The following CPNE8 variants were observed in gnomAD, a reference collection of about 807,000 sequenced individuals.
CPNE8 encodes the protein copine-8.
A neutral mutation model predicts 81.5 loss-of-function variants in CPNE8; 45 were observed. The observed-to-expected ratio is 0.55, with a 90% CI of 0.44 to 0.71. CPNE8 has a LOEUF of 0.71. CPNE8 is among the 30% of genes least tolerant of loss of function. The probability of loss-of-function intolerance (pLI) is 0.00; values close to 1 mark genes in which losing one functional copy is unlikely to be tolerated. For missense variants in CPNE8, 594 were observed against 672.1 expected (o/e 0.88, Z 1.28); for synonymous variants, 252 against 226.3 (o/e 1.11, Z -1.02).
chr12:38,841,536 G>T (rs1264640134), intron 4 of CPNE8, among the ~76,000 whole-genome samples: 2 of 152,136 alleles, frequency 1.3e-5, no homozygotes, highest in Admixed American at 6.6e-5. Flanking sequence ...CCAGTAAGTA[G>T]TTATTTGGGG....
intron 15 of CPNE8, among the ~76,000 whole-genome samples, chr12:38,686,209 G>A (rs1027828959): frequency 1.3e-5 from 2 of 152,040 alleles, no homozygotes; most frequent in African/African-American, 4.8e-5. Flanking sequence ...ACTCCAAGTA[G>A]AGAAGGAGTC....
At position 38,816,304 on chromosome 12, in the gene CPNE8, C is replaced by G. The variant is rs181008904; in HGVS notation, c.407+13075G>C. Among the ~76,000 whole-genome samples the G allele has an allele frequency of 5.8e-4, 89 of 152,250 alleles. No individual in the cohort carries two copies. In the South Asian group the frequency reaches 8.5e-3, roughly 15 times the overall value. On this transcript the variant is annotated intron_variant, in intron 6 of 19. Transcript: ENST00000331366. ...ACATTTATTGAACTCTTACTATTTACAAGGCACAACAGGTCTCTACAATAC... is the reference window on the plus strand; with the variant it reads ...ACATTTATTGAACTCTTACTATTTAGAAGGCACAACAGGTCTCTACAATAC...
intron 11 of CPNE8, 115 bp downstream of exon 11, chr12:38,730,168 A>C: frequency 1.5e-6 from 1 of 684,878 alleles, no homozygotes; most frequent in Non-Finnish European, 2.6e-6. Context: ...AAAGATTCTT[A>C]CATACACTGA....
At chr12:38,861,622 T>C (rs1446649529) in intron 3 of CPNE8, among the ~76,000 whole-genome samples, 1 of 152,102 alleles carries the variant, frequency 6.6e-6, no homozygotes, top group African/African-American at 2.4e-5. Context: ...AATTATATTT[T>C]CATCAAACTT....
chr12:38,861,309 T>C (rs1281595230), intron 3 of CPNE8, among the ~76,000 whole-genome samples: 1 of 152,158 alleles, frequency 6.6e-6, no homozygotes, highest in Non-Finnish European at 1.5e-5. Flanking sequence ...TCACTGCCAA[T>C]AGTTAATAAT....
chr12:38,838,187 A>C (rs575306537), intron 5 of CPNE8, among the ~76,000 whole-genome samples: 61 of 152,298 alleles, frequency 4.0e-4, no homozygotes, highest in African/African-American at 1.5e-3. Context: ...ACTAAGAAAC[A>C]CAGAAACTAT....
At chr12:38,904,835 G>A (rs558944658) in intron 1 of CPNE8, among the ~76,000 whole-genome samples, 6 of 152,214 alleles carry the variant, frequency 3.9e-5, no homozygotes, top group African/African-American at 1.4e-4. Context: ...CAAAACAAAA[G>A]TCGTGACTTC....
intron 10 of CPNE8, among the ~76,000 whole-genome samples, chr12:38,737,824 T>C (rs1244830974): frequency 4.2e-5 from 1 of 23,638 alleles, no homozygotes; most frequent in African/African-American, 2.4e-4. Context: ...ACATACTCAT[T>C]CTCTCTCTCT....
At chr12:38,775,144 A>T (rs1490065487) in intron 7 of CPNE8, among the ~76,000 whole-genome samples, 2 of 152,082 alleles carry the variant, frequency 1.3e-5, no homozygotes, top group East Asian at 3.9e-4. Context: ...CATATATTTG[A>T]GACAAGGTCT....
In CPNE8 at chr12:38,652,797, G is replaced by A. The variant is rs929797276; in HGVS notation, c.*1085C>T. The A allele has an allele frequency of 6.6e-6, 1 of 152,620 alleles. No homozygotes were observed. The highest frequency in any genetic ancestry group is 2.4e-5 in the African/African-American group (1 of 41,446). 9.5% of individuals were successfully genotyped at this position (152,620 alleles called of 1,614,324 possible). A position where few individuals can be genotyped will look rare whatever the true frequency, so the allele number is the denominator to read the frequency against. On this transcript the variant is annotated 3_prime_UTR_variant, in exon 20 of 20. Transcript: ENST00000331366. ...CAATTATTCGTGGACAGGCAGGTCA[G>A]TATATAGGAGTAGGTTATTTCACAA... is the stretch of plus-strand genomic sequence containing the variant.
chr12:38,884,065 T>C (rs1400285), intron 1 of CPNE8, among the ~76,000 whole-genome samples: 60,313 of 152,022 alleles, frequency 0.4, 14,237 homozygotes, highest in Non-Finnish European at 0.53. Context: ...AATTTGCCCT[T>C]TTAAAGTGTA....
intron 6 of CPNE8, among the ~76,000 whole-genome samples, chr12:38,808,244 T>C (rs71463384): frequency 6.6e-6 from 1 of 152,120 alleles, no homozygotes; most frequent in Admixed American, 6.6e-5. Flanking sequence ...CCAGCCATCC[T>C]ATTACTGGTT....
At chr12:38,676,360 T>C in intron 17 of CPNE8, 1 of 950,698 alleles carries the variant, frequency 1.1e-6, no homozygotes, top group African/African-American at 1.8e-5. Flanking sequence ...GTAAGGAGCA[T>C]CTACTTCCAC....
intron 6 of CPNE8, among the ~76,000 whole-genome samples, chr12:38,827,020 A>T: frequency 6.6e-6 from 1 of 150,702 alleles, no homozygotes; most frequent in African/African-American, 2.4e-5. Context: ...ATACAAAAAA[A>T]AAAAAAAAAA....
chr12:38,705,674 G>A (rs193116739), intron 13 of CPNE8, among the ~76,000 whole-genome samples: 3 of 152,190 alleles, frequency 2.0e-5, no homozygotes, highest in East Asian at 1.9e-4. Context: ...ACATTGCTTC[G>A]TCATGCTGTG....
At chr12:38,798,427 G>C (rs369901079) in intron 6 of CPNE8, among the ~76,000 whole-genome samples, 2 of 152,100 alleles carry the variant, frequency 1.3e-5, no homozygotes, top group East Asian at 3.9e-4. Context: ...TTTCAACCCA[G>C]AATTTCATAT....
intron 3 of CPNE8, 105 bp downstream of exon 3, chr12:38,872,899 G>A (rs536153253): frequency 3.9e-5 from 27 of 698,156 alleles, no homozygotes; most frequent in Non-Finnish European, 5.2e-5. Flanking sequence ...CAATCTTTGG[G>A]TTCAAAAGGA....
At chr12:38,714,765 G>C (rs528712923) in intron 13 of CPNE8, among the ~76,000 whole-genome samples, 17 of 152,146 alleles carry the variant, frequency 1.1e-4, no homozygotes, top group African/African-American at 3.9e-4. Flanking sequence ...GTCTACTGCA[G>C]CTAAACACAA....
At chr12:38,756,806 A>G (rs1055030507) in intron 10 of CPNE8, among the ~76,000 whole-genome samples, 1 of 152,216 alleles carries the variant, frequency 6.6e-6, no homozygotes, top group Non-Finnish European at 1.5e-5. Context: ...GTACCAACCA[A>G]TATGGCAGCC....
Sources: gnomAD v4.1 joint callset for allele counts (sites outside exome capture counted in the v4.1 genomes callset) on GRCh38, gnomAD v4.1.1 for gene constraint, MANE v1.5 for transcripts, NCBI Gene and HGNC (gene_info 2026-07-23, HGNC 2026-07-21) for gene names.